Variants in PPP2R3C observed in about 807,000 individuals in gnomAD.
PPP2R3C encodes the protein protein phosphatase 2 regulatory subunit B''gamma, also known as serine/threonine-protein phosphatase 2A regulatory subunit B'' subunit gamma.
Under a neutral mutation model 63.7 loss-of-function variants are expected in PPP2R3C, and 47 were observed. That is an observed-to-expected ratio of 0.74 (90% CI 0.58 to 0.94). PPP2R3C has a LOEUF of 0.94. PPP2R3C is among the 40% of genes least tolerant of loss of function. The pLI, the probability that PPP2R3C is intolerant of heterozygous loss-of-function variation, is 0.00. For synonymous variants in PPP2R3C, 180 were observed against 177.4 expected (o/e 1.01, Z -0.12); for missense variants, 421 against 518.4 (o/e 0.81, Z 1.82).
At chr14:35,086,023 C>A in intron 12 of PPP2R3C, 1 of 412,314 alleles carries the variant, frequency 2.4e-6, no homozygotes, top group Non-Finnish European at 4.3e-6. Context: ...GATAGCTATC[C>A]TTCGTTTTAT....
intron 10 of PPP2R3C, 131 bp downstream of exon 10, chr14:35,094,917 G>T: frequency 1.1e-6 from 1 of 944,336 alleles, no homozygotes. Flanking sequence ...TCACACCACT[G>T]CACTCTAGCC....
At chr14:35,096,166 T>G (rs1293719678) in intron 9 of PPP2R3C, among the ~76,000 whole-genome samples, 1 of 130,574 alleles carries the variant, frequency 7.7e-6, no homozygotes, top group African/African-American at 2.9e-5. Flanking sequence ...CACAGTGAGA[T>G]CCCATCTCTA....
chr14:35,099,033 G>GT, intron 7 of PPP2R3C: 1 of 484,476 alleles, frequency 2.1e-6, no homozygotes, highest in Non-Finnish European at 3.3e-6. Context: ...CACACAGCAG[G>GT]TTATGGTCAG....
chr14:35,106,092 G>A lies in PPP2R3C; in HGVS notation c.573+1212C>T, dbSNP rs369851941. On this transcript the variant is annotated intron_variant, in intron 6 of 12. Coordinates refer to ENST00000261475, the MANE Select transcript of PPP2R3C (RefSeq NM_017917.4). The stretch of plus-strand genomic sequence containing the variant: ...GATCTCCTGACCTCGTGATCCGCCC[G>A]CCTCGGCCTCCCAAAGTGCTGGGAT... Among the ~76,000 whole-genome samples, 6 of 151,908 alleles carry A rather than the reference G, an allele frequency of 3.9e-5. No homozygotes were observed. In the East Asian group the frequency reaches 7.7e-4, roughly 20 times the overall value.
chr14:35,110,565 T>A lies in PPP2R3C; in HGVS notation c.251A>T (p.Gln84Leu). 1 of 1,612,740 alleles carries A rather than the reference T, an allele frequency of 6.2e-7. No individual in the cohort carries two copies. Among genetic ancestry groups the A allele is most frequent in the East Asian group, 2.2e-5 (1 of 44,868 alleles). The change falls in exon 3 of 13, where the codon CAA (glutamine) becomes CTA (leucine). Residue 84 changes from glutamine to leucine, a missense_variant. Around this residue, in one of 3 missense-constraint regions of PPP2R3C, gnomAD observed 143 missense variants for 151.2 expected, o/e 0.95. Transcript: ENST00000261475. ...LREESRAVFL[Q>L]RKSRELLDNE... is the part of the protein sequence containing the mutation. The stretch of plus-strand genomic sequence containing the variant: ...ATCTAACAGTTCTCTGCTTTTTCTT[T>A]GTAGAAAGACAGCTCTTGATTCCTC...
At chr14:35,088,105 T>C (rs1392576443) in intron 11 of PPP2R3C, 95 bp from the exon 12 acceptor site, 2 of 863,638 alleles carry the variant, frequency 2.3e-6, no homozygotes, top group East Asian at 2.6e-5. Context: ...CTTCCTTTCC[T>C]ATCAGGCCAC....
At chr14:35,119,463 G>A (rs749190590) in intron 1 of PPP2R3C, among the ~76,000 whole-genome samples, 4 of 151,292 alleles carry the variant, frequency 2.6e-5, no homozygotes, top group East Asian at 1.9e-4. Context: ...TCAGCCTCTC[G>A]AGTAGCTAGG....
chr14:35,121,418 T>C (rs964569383), intron 1 of PPP2R3C, among the ~76,000 whole-genome samples: 2 of 152,096 alleles, frequency 1.3e-5, no homozygotes, highest in African/African-American at 4.8e-5. Context: ...AAGGTTCTGT[T>C]TTTCTCCAGC....
At chr14:35,122,053 G>A (rs528697804), upstream of PPP2R3C, 10 of 1,400,992 alleles carry the variant, frequency 7.1e-6, no homozygotes, top group East Asian at 6.9e-5. Flanking sequence ...CCCCGTAAAG[G>A]TTAGGAAGGC....
intron 10 of PPP2R3C, among the ~76,000 whole-genome samples, chr14:35,092,182 C>G (rs927486910): frequency 2.6e-5 from 4 of 152,138 alleles, no homozygotes; most frequent in African/African-American, 7.2e-5. Flanking sequence ...AATCTTCCCA[C>G]TACAGCCTCC....
At chr14:35,087,675 C>G in intron 12 of PPP2R3C, 1 of 354,770 alleles carries the variant, frequency 2.8e-6, no homozygotes, top group Non-Finnish European at 5.3e-6. Context: ...GCTGGGATTA[C>G]AAGCATGAGC....
At chr14:35,118,316 G>GA (rs2046765298) in intron 1 of PPP2R3C, among the ~76,000 whole-genome samples, 2 of 152,294 alleles carry the variant, frequency 1.3e-5, no homozygotes, top group South Asian at 2.1e-4. Context: ...AATGATTAAA[G>GA]AAAAACTGAT....
chr14:35,100,162 G>C (rs1264738076), intron 6 of PPP2R3C: 1 of 152,070 alleles, frequency 6.6e-6, no homozygotes, highest in African/African-American at 2.4e-5. Flanking sequence ...AGAATAAATA[G>C]CTATATATTA....
intron 7 of PPP2R3C, 92 bp from the exon 8 acceptor site, chr14:35,096,856 C>T: frequency 3.5e-6 from 4 of 1,143,880 alleles, no homozygotes; most frequent in Non-Finnish European, 4.8e-6. Context: ...AGAGCAATCA[C>T]ACAATTGATA....
chr14:35,096,885 T>G, intron 7 of PPP2R3C, 121 bp from the exon 8 acceptor site: 1 of 981,224 alleles, frequency 1.0e-6, no homozygotes. Flanking sequence ...CTTCTAGCTC[T>G]TATGCTCCAA....
intron 2 of PPP2R3C, 157 bp from the exon 3 acceptor site, chr14:35,110,786 A>G: frequency 1.8e-6 from 1 of 567,306 alleles, no homozygotes; most frequent in Non-Finnish European, 3.1e-6. Flanking sequence ...AAACTGATCC[A>G]CAGAGAATCG....
At chr14:35,096,065 G>A (rs2045989548) in intron 9 of PPP2R3C, among the ~76,000 whole-genome samples, 1 of 152,170 alleles carries the variant, frequency 6.6e-6, no homozygotes, top group African/African-American at 2.4e-5. Context: ...GTTCTGCTGG[G>A]TGCAGTGCCT....
chr14:35,117,730 T>G (rs1410879204), intron 1 of PPP2R3C, among the ~76,000 whole-genome samples: 1 of 152,108 alleles, frequency 6.6e-6, no homozygotes, highest in African/African-American at 2.4e-5. Context: ...GCTTCACTCT[T>G]GTTGCCCAGG....
intron 6 of PPP2R3C, chr14:35,101,282 C>G (rs1003473418): frequency 1.3e-5 from 2 of 152,184 alleles, no homozygotes; most frequent in Non-Finnish European, 2.9e-5. Flanking sequence ...GCCAAATATA[C>G]TCCTTTTAAT....
Sources: gnomAD v4.1 joint callset for allele counts (sites outside exome capture counted in the v4.1 genomes callset) on GRCh38, gnomAD v4.1.1 for gene constraint, gnomAD v4.1.1 regional missense constraint, MANE v1.5 for transcripts, NCBI Gene and HGNC (gene_info 2026-07-23, HGNC 2026-07-21) for gene names.